Variants in HMGCL observed in about 807,000 individuals in gnomAD.
HMGCL encodes hydroxymethylglutaryl-CoA lyase, mitochondrial.
HMGCL carries 26 observed loss-of-function variants against 37.3 expected under a neutral mutation model. The observed-to-expected ratio is 0.70, with a 90% CI of 0.51 to 0.97. HMGCL has a LOEUF of 0.97. Ranked by LOEUF, HMGCL falls within the 50% of genes least tolerant of loss-of-function variation. The probability of loss-of-function intolerance (pLI) is 0.00; values close to 1 mark genes in which losing one functional copy is unlikely to be tolerated. For synonymous variants in HMGCL, 151 were observed against 148.0 expected (o/e 1.02, Z -0.15); for missense variants, 379 against 398.1 (o/e 0.95, Z 0.41).
At chr1:23,812,655 G>A (rs757686222) in intron 5 of HMGCL, among the ~76,000 whole-genome samples, 37 of 152,136 alleles carry the variant, frequency 2.4e-4, no homozygotes, top group Non-Finnish European at 5.0e-4. Context: ...ACGTGCAAAG[G>A]CCCAGAGGCA....
chr1:23,816,776 A>G lies in HMGCL; in HGVS notation c.253-6T>C. The G allele has an allele frequency of 6.3e-7, 1 of 1,582,870 alleles. No individual in the cohort carries two copies. The highest frequency in any genetic ancestry group is 8.7e-7 in the Non-Finnish European group (1 of 1,151,272). On this transcript the variant is annotated splice_region_variant and splice_polypyrimidine_tract_variant and intron_variant, in intron 3 of 8. Transcript: ENST00000374490. ...ACTTCAGTGTGGTCACCCATCTAGGAACCAAGGGAGACATTGCCAAGTCAT... is the reference window on the plus strand; with the variant it reads ...ACTTCAGTGTGGTCACCCATCTAGGGACCAAGGGAGACATTGCCAAGTCAT...
At chr1:23,813,857 C>T (rs910789673) in intron 5 of HMGCL, 3 of 385,628 alleles carry the variant, frequency 7.8e-6, no homozygotes, top group East Asian at 6.1e-5. Flanking sequence ...CTGCTAGATT[C>T]CTTTAGCATG....
At chr1:23,824,252 G>T (rs563168422) in intron 1 of HMGCL, among the ~76,000 whole-genome samples, 25 of 152,288 alleles carry the variant, frequency 1.6e-4, no homozygotes, top group African/African-American at 5.5e-4. Context: ...AAGAAACTAA[G>T]CCTCAGAAAG....
At chr1:23,818,350 C>T (rs940888821) in intron 2 of HMGCL, among the ~76,000 whole-genome samples, 14 of 152,100 alleles carry the variant, frequency 9.2e-5, no homozygotes, top group Non-Finnish European at 1.5e-4. Flanking sequence ...TCCAGCTACT[C>T]AGGAGGCTGA....
At chr1:23,818,066 G>A (rs1191736005) in intron 2 of HMGCL, among the ~76,000 whole-genome samples, 1 of 152,144 alleles carries the variant, frequency 6.6e-6, no homozygotes, top group Non-Finnish European at 1.5e-5. Context: ...ATCTTACACA[G>A]GAATCCTCCT....
At chr1:23,807,266 G>C (rs1157226783) in intron 7 of HMGCL, 1 of 518,186 alleles carries the variant, frequency 1.9e-6, no homozygotes, top group East Asian at 5.4e-5. Context: ...CCAGGAACCA[G>C]GGCAGGGTAT....
At chr1:23,807,094 A>T (rs541659657) in intron 7 of HMGCL, 4 of 519,034 alleles carry the variant, frequency 7.7e-6, no homozygotes, top group South Asian at 5.6e-5. Context: ...GAAACAGAGA[A>T]GCACAGAGGA....
At position 23,814,250 on chromosome 1, in the gene HMGCL, C is replaced by T. The variant is rs1638574066; in HGVS notation, c.437G>A (p.Ser146Asn). 6.2e-7 allele frequency: 1 copy of T among 1,614,136 alleles called. No homozygotes were observed. Among genetic ancestry groups the T allele is most frequent in the Non-Finnish European group, 8.5e-7 (1 of 1,180,036 alleles). Residue 146 changes from serine to asparagine, a missense_variant, in exon 5 of 9, where the codon AGT becomes AAT. By Grantham distance (46) the Ser-to-Asn change is conservative (BLOSUM62 1). Transcript: ENST00000374490. ...KKNINCSIEE[S>N]FQRFDAILKA... ...CAGGATTGCGTCAAACCTCTGAAAA[C>T]TCTCCTCTATGGAACAATTGATGTT...
chr1:23,816,684 G>A lies in HMGCL; in HGVS notation c.339C>T (p.Phe113=), dbSNP rs112352538. 4.7e-5 allele frequency: 75 copies of A among 1,605,210 alleles called. No homozygotes were observed. The highest frequency in any genetic ancestry group is 3.2e-4 in the African/African-American group (24 of 74,812). Residue 113 remains phenylalanine, a synonymous_variant, in exon 4 of 9, where the codon TTC becomes TTT. Transcript: ENST00000374490. ...YPVLTPNLKG[F]EAAVAAGAKE... Reference sequence around the variant, plus strand: ...CAAGCTATCCTCTTACCGCTGCCTCGAAGCCTTTCAAATTTGGGGTCAGGA... The same window carrying A: ...CAAGCTATCCTCTTACCGCTGCCTCAAAGCCTTTCAAATTTGGGGTCAGGA...
intron 5 of HMGCL, among the ~76,000 whole-genome samples, chr1:23,813,127 T>A (rs1423507529): frequency 6.6e-6 from 1 of 151,396 alleles, no homozygotes; most frequent in Non-Finnish European, 1.5e-5. Context: ...TTACCTCAGG[T>A]GATCTGCCCG....
chr1:23,817,346 T>A, intron 3 of HMGCL, 130 bp downstream of exon 3: 1 of 661,628 alleles, frequency 1.5e-6, no homozygotes, highest in Admixed American at 2.4e-5. Context: ...AACACAGTGC[T>A]ATGAATCACC....
At position 23,816,699 on chromosome 1, in the gene HMGCL, T is replaced by C. The variant is rs932601140; in HGVS notation, c.324A>G (p.Pro108=). The C allele has an allele frequency of 1.9e-6, 3 of 1,612,440 alleles. No individual in the cohort carries two copies. Among genetic ancestry groups the C allele is most frequent in the Admixed American group, 3.3e-5 (2 of 60,002 alleles). The change falls in exon 4 of 9, where the codon CCA becomes CCG. Residue 108 remains proline, a synonymous_variant. Coordinates refer to ENST00000374490, the MANE Select transcript of HMGCL (RefSeq NM_000191.3). ...FPGINYPVLT[P]NLKGFEAAVA... is the part of the protein sequence containing the mutation. ...CCGCTGCCTCGAAGCCTTTCAAATT[T>C]GGGGTCAGGACTGGGTAGTTGATGC...
intron 6 of HMGCL, 123 bp from the exon 7 acceptor site, chr1:23,808,446 G>T: frequency 1.2e-6 from 1 of 801,270 alleles, no homozygotes; most frequent in Non-Finnish European, 2.2e-6. Context: ...AGTTCCTACT[G>T]GATTACATGC....
chr1:23,801,984 C>A lies in HMGCL; in HGVS notation c.*479G>T. The A allele has an allele frequency of 2.3e-6, 1 of 425,860 alleles. No homozygotes were observed. Among genetic ancestry groups the A allele is most frequent in the South Asian group, 8.7e-5 (1 of 11,542 alleles). 26.4% of individuals were successfully genotyped at this position (425,860 alleles called of 1,614,324 possible). ...GATGCTGGAGTTGGCAGACGGCCAC[C>A]ACGTAGCTCTCCACTTTCCACAAAT... On this transcript the variant is annotated 3_prime_UTR_variant, in exon 9 of 9. Transcript: ENST00000374490.
chr1:23,824,029 C>G (rs1210027050), intron 1 of HMGCL, among the ~76,000 whole-genome samples: 1 of 152,180 alleles, frequency 6.6e-6, no homozygotes, highest in Non-Finnish European at 1.5e-5. Flanking sequence ...TGCCTCTTTA[C>G]CACCGTTCGT....
At chr1:23,816,872 T>G (rs1403102831) in intron 3 of HMGCL, 102 bp from the exon 4 acceptor site, 9 of 785,826 alleles carry the variant, frequency 1.1e-5, no homozygotes, top group Non-Finnish European at 1.8e-5. Flanking sequence ...TCCAGAACTC[T>G]TAGCGAGTAA....
intron 5 of HMGCL, among the ~76,000 whole-genome samples, chr1:23,813,142 G>A (rs1158408183): frequency 2.0e-5 from 3 of 151,188 alleles, no homozygotes; most frequent in Admixed American, 6.6e-5. Flanking sequence ...TGCCCGCCTC[G>A]GCCTCCCAAA....
intron 2 of HMGCL, among the ~76,000 whole-genome samples, chr1:23,818,010 A>G (rs532016391): frequency 1.1e-4 from 16 of 152,328 alleles, no homozygotes; most frequent in African/African-American, 3.4e-4. Flanking sequence ...CAAATCTACC[A>G]TCATTATCCT....
chr1:23,822,853 T>C (rs141568813), intron 1 of HMGCL, among the ~76,000 whole-genome samples: 1 of 152,310 alleles, frequency 6.6e-6, no homozygotes, highest in African/African-American at 2.4e-5. Context: ...GCTCGATAAA[T>C]AACAGTTGAG....
Sources: gnomAD v4.1 joint callset for allele counts (sites outside exome capture counted in the v4.1 genomes callset) on GRCh38, gnomAD v4.1.1 for gene constraint, MANE v1.5 for transcripts, NCBI Gene and HGNC (gene_info 2026-07-23, HGNC 2026-07-21) for gene names.